TFEC: variants seen among roughly 807,000 people sequenced by gnomAD.
The protein encoded by TFEC is class E basic helix-loop-helix protein 34.
TFEC carries 31 observed loss-of-function variants against 41.6 expected under a neutral mutation model. The observed-to-expected ratio is 0.74, with a 90% CI of 0.56 to 1.01. The LOEUF is 1.01. TFEC is among the 50% of genes least tolerant of loss of function. The pLI, the probability that TFEC is intolerant of heterozygous loss-of-function variation, is 0.00. For synonymous variants in TFEC, 143 were observed against 140.6 expected, an observed-to-expected ratio of 1.02 and a Z score of -0.12; for missense variants, 402 against 404.1, an observed-to-expected ratio of 0.99 and a Z score of 0.04.
intron 3 of TFEC, among the ~76,000 whole-genome samples, chr7:116,050,149 T>C (rs916120026): frequency 3.3e-5 from 5 of 151,582 alleles, no homozygotes; most frequent in African/African-American, 9.7e-5. Context: ...CTGAAGGAGA[T>C]AGAGACACGA....
upstream of TFEC, among the ~76,000 whole-genome samples, chr7:116,035,597 T>A (rs1562945699): frequency 6.6e-6 from 1 of 151,956 alleles, no homozygotes; most frequent in Non-Finnish European, 1.5e-5. Context: ...TTTTGAAAAT[T>A]AAAAAAGTAA....
At chr7:115,966,711 A>C (rs1399003708) in intron 3 of TFEC, among the ~76,000 whole-genome samples, 1 of 151,736 alleles carries the variant, frequency 6.6e-6, no homozygotes, top group Non-Finnish European at 1.5e-5. Context: ...TTTTAGTCTT[A>C]AGTGTTTTGA....
At chr7:115,980,522 G>A (rs972383525) in intron 2 of TFEC, among the ~76,000 whole-genome samples, 3 of 152,146 alleles carry the variant, frequency 2.0e-5, no homozygotes, top group South Asian at 2.1e-4. Context: ...GGCCAAGGCA[G>A]GTGAATCACT....
At chr7:116,114,371 T>G (rs1293588662) in intron 1 of TFEC, among the ~76,000 whole-genome samples, 6 of 151,362 alleles carry the variant, frequency 4.0e-5, no homozygotes, top group Non-Finnish European at 8.8e-5. Flanking sequence ...AACAGTGTTT[T>G]GTGAGACCTC....
At chr7:116,061,339 TG>T (rs1796551997) in intron 3 of TFEC, among the ~76,000 whole-genome samples, 1 of 151,956 alleles carries the variant, frequency 6.6e-6, no homozygotes, top group Admixed American at 6.6e-5. Context: ...TTGACCAAGG[TG>T]TAAGGGCAAT....
rs577607997 is a variant in TFEC at position 115,940,757 on chromosome 7, T to C, written c.838A>G (p.Ile280Val). 5.8e-5 allele frequency: 93 copies of C among 1,613,460 alleles called. 1 individual carries two copies. In the Middle Eastern group the frequency reaches 1.7e-3, roughly 29 times the overall value. The change falls in exon 8 of 8, where the codon ATA becomes GTA. Residue 280 changes from isoleucine (I) to valine (V), a missense_variant. Ile to Val is a conservative substitution (Grantham distance 29). Coordinates refer to ENST00000265440, the MANE Select transcript of TFEC (RefSeq NM_012252.4). Reference sequence around the variant, plus strand: ...TATGACAAAGGATCAGAAAAGGCTATAGCTTGATCACAGAGCTCAGGGCTT... The same window carrying C: ...TATGACAAAGGATCAGAAAAGGCTACAGCTTGATCACAGAGCTCAGGGCTT... ...GPSPELCDQA[I>V]AFSDPLSYFT...
At chr7:115,986,550 A>G (rs752198482) in intron 1 of TFEC, among the ~76,000 whole-genome samples, 12 of 152,120 alleles carry the variant, frequency 7.9e-5, no homozygotes, top group Non-Finnish European at 1.6e-4. Flanking sequence ...ATATTGAAAG[A>G]GAAAGTGATT....
At chr7:116,113,968 G>C (rs1256244767) in intron 1 of TFEC, among the ~76,000 whole-genome samples, 3 of 151,866 alleles carry the variant, frequency 2.0e-5, no homozygotes, top group Non-Finnish European at 4.4e-5. Context: ...CATATTTACA[G>C]GACTTAGAGA....
chr7:116,062,603 CA>C (rs1391688020), intron 3 of TFEC, among the ~76,000 whole-genome samples: 55 of 89,456 alleles, frequency 6.1e-4, no homozygotes, highest in African/African-American at 2.2e-3. Flanking sequence ...ATATATATCA[CA>C]TTTTTTTACT....
intron 1 of TFEC, among the ~76,000 whole-genome samples, chr7:115,990,567 C>T (rs1040323946): frequency 2.0e-5 from 3 of 151,892 alleles, no homozygotes; most frequent in Non-Finnish European, 4.4e-5. Context: ...AACCATGGCA[C>T]GAGAATTACG....
At chr7:116,019,457 C>T (rs1795313797) in intron 1 of TFEC, among the ~76,000 whole-genome samples, 1 of 152,146 alleles carries the variant, frequency 6.6e-6, no homozygotes, top group Admixed American at 6.5e-5. Context: ...TACACACTAT[C>T]TTACAATGAC....
intron 1 of TFEC, among the ~76,000 whole-genome samples, chr7:116,149,936 T>C (rs1257152010): frequency 1.3e-5 from 2 of 152,130 alleles, no homozygotes; most frequent in Non-Finnish European, 2.9e-5. Context: ...CTCTAGGCAA[T>C]GGGGCATCCA....
At chr7:115,991,579 G>A (rs542081672) in intron 1 of TFEC, among the ~76,000 whole-genome samples, 4 of 152,266 alleles carry the variant, frequency 2.6e-5, no homozygotes, top group African/African-American at 7.2e-5. Context: ...TGCAATCCTA[G>A]TCTCTGATAA....
chr7:116,088,776 TTAA>T (rs1181890206), intron 3 of TFEC, among the ~76,000 whole-genome samples: 4 of 152,048 alleles, frequency 2.6e-5, no homozygotes, highest in Non-Finnish European at 5.9e-5. Context: ...ATATATGTAC[TTAA>T]TATTATCATC....
At chr7:115,947,278 C>T (rs1791641601) in intron 6 of TFEC, among the ~76,000 whole-genome samples, 1 of 151,630 alleles carries the variant, frequency 6.6e-6, no homozygotes, top group African/African-American at 2.4e-5. Flanking sequence ...CATAGTATTC[C>T]ATGGTGGATA....
At chr7:116,071,695 A>G (rs1344515282) in intron 3 of TFEC, among the ~76,000 whole-genome samples, 1 of 151,394 alleles carries the variant, frequency 6.6e-6, no homozygotes, top group African/African-American at 2.4e-5. Flanking sequence ...CAGTTGCCCT[A>G]TAATGCACAA....
chr7:116,038,495 A>G (rs1418181654), intron 3 of TFEC, among the ~76,000 whole-genome samples: 1 of 152,080 alleles, frequency 6.6e-6, no homozygotes, highest in Non-Finnish European at 1.5e-5. Context: ...TGTATCCTGA[A>G]GGTAAAGAAG....
chr7:115,984,610 A>G, intron 1 of TFEC, 97 bp from the exon 2 acceptor site: 2 of 1,372,672 alleles, frequency 1.5e-6, no homozygotes, highest in African/African-American at 2.9e-5. Context: ...AACACACTAC[A>G]CTATAGCATC....
chr7:115,942,776 G>T (rs73458756), intron 6 of TFEC, among the ~76,000 whole-genome samples: 3 of 151,920 alleles, frequency 2.0e-5, no homozygotes, highest in African/African-American at 7.2e-5. Flanking sequence ...TAAGACAGGA[G>T]AAATTAAAGA....
Sources: gnomAD v4.1 joint callset for allele counts (sites outside exome capture counted in the v4.1 genomes callset) on GRCh38, gnomAD v4.1.1 for gene constraint, MANE v1.5 for transcripts, NCBI Gene and HGNC (gene_info 2026-07-23, HGNC 2026-07-21) for gene names.